NEK11: variants seen among roughly 807,000 people sequenced by gnomAD.
NEK11 encodes NIMA related kinase 11.
A neutral mutation model predicts 80.7 loss-of-function variants in NEK11; 72 were observed. The ratio of observed to expected loss-of-function variants is 0.89; its 90% CI spans 0.74 to 1.08. The LOEUF is 1.08. Ranked by LOEUF, NEK11 falls within the 50% of genes least tolerant of loss-of-function variation. The pLI, the probability that NEK11 is intolerant of heterozygous loss-of-function variation, is 0.00. For missense variants in NEK11, 764 were observed against 763.6 expected (o/e 1.00, Z -0.01); for synonymous variants, 251 against 260.7 (o/e 0.96, Z 0.36).
intron 3 of NEK11, among the ~76,000 whole-genome samples, chr3:131,060,767 C>G (rs555336482): frequency 3.9e-5 from 6 of 152,266 alleles, no homozygotes; most frequent in Admixed American, 1.3e-4. Context: ...TTCCCACCAG[C>G]AGTGTATGAG....
At chr3:131,223,333 T>A (rs1344771031) in intron 14 of NEK11, among the ~76,000 whole-genome samples, 1 of 152,166 alleles carries the variant, frequency 6.6e-6, no homozygotes, top group Non-Finnish European at 1.5e-5. Flanking sequence ...TGGAGACAGA[T>A]TCATTCCAGT....
At chr3:131,287,732 C>A (rs2096490666) in intron 17 of NEK11, among the ~76,000 whole-genome samples, 1 of 152,276 alleles carries the variant, frequency 6.6e-6, no homozygotes, top group South Asian at 2.1e-4. Flanking sequence ...CCTCCAGATG[C>A]CAAGCTGAGC....
intron 16 of NEK11, among the ~76,000 whole-genome samples, chr3:131,248,300 T>C (rs968330507): frequency 1.3e-5 from 2 of 152,158 alleles, no homozygotes; most frequent in African/African-American, 4.8e-5. Flanking sequence ...TTTATCATGA[T>C]AGAATGCTGA....
At position 131,320,278 on chromosome 3, in the gene NEK11, TG is replaced by T. The variant is rs1435632370; in HGVS notation, c.1719-29277del. On this transcript the variant is annotated intron_variant, in intron 17 of 17. Coordinates refer to ENST00000383366, the MANE Select transcript of NEK11 (RefSeq NM_024800.5). ...AGTAGTACCCAAATTAAAGAGAAAA[TG>T]GTTTCCTGCTTAGTTAAGCAAAGAA... Among the ~76,000 whole-genome samples the T allele has an allele frequency of 5.3e-4, 80 of 152,174 alleles. 1 individual carries two copies. Among genetic ancestry groups the T allele is most frequent in the Non-Finnish European group, 2.9e-5 (2 of 67,972 alleles).
intron 16 of NEK11, among the ~76,000 whole-genome samples, chr3:131,248,505 T>G (rs749140719): frequency 5.3e-5 from 8 of 152,084 alleles, no homozygotes; most frequent in Non-Finnish European, 1.0e-4. Context: ...CTGGAGCCTT[T>G]CTTTCTTACA....
At chr3:131,345,110 C>G (rs1321848086) in intron 17 of NEK11, among the ~76,000 whole-genome samples, 1 of 151,866 alleles carries the variant, frequency 6.6e-6, no homozygotes, top group African/African-American at 2.4e-5. Context: ...TTCAAATGAC[C>G]AACTCTTGGT....
chr3:131,123,955 T>G (rs1330245225), intron 5 of NEK11, among the ~76,000 whole-genome samples: 1 of 152,214 alleles, frequency 6.6e-6, no homozygotes, highest in Non-Finnish European at 1.5e-5. Context: ...CTGGTTAACT[T>G]GGGTGGCTGA....
intron 7 of NEK11, among the ~76,000 whole-genome samples, chr3:131,135,601 A>G (rs1475996527): frequency 1.3e-5 from 2 of 152,190 alleles, no homozygotes; most frequent in Non-Finnish European, 2.9e-5. Flanking sequence ...AGTTTGAGAA[A>G]TCAATTTTGG....
chr3:131,055,870 A>C (rs1481853722), intron 3 of NEK11, among the ~76,000 whole-genome samples: 2 of 152,258 alleles, frequency 1.3e-5, no homozygotes, highest in East Asian at 3.8e-4. Flanking sequence ...AAAAACACCC[A>C]AAATGAAAGA....
At chr3:131,129,155 A>G (rs1298659066) in intron 5 of NEK11, among the ~76,000 whole-genome samples, 2 of 140,410 alleles carry the variant, frequency 1.4e-5, no homozygotes, top group African/African-American at 5.4e-5. Context: ...GGTTCATGCC[A>G]TTCTCCCGCC....
chr3:131,144,781 A>G (rs2087785015), intron 7 of NEK11, among the ~76,000 whole-genome samples: 1 of 152,138 alleles, frequency 6.6e-6, no homozygotes, highest in African/African-American at 2.4e-5. Context: ...GTCCGTTTCC[A>G]CAAGTTACTG....
At chr3:131,130,945 G>A (rs2084336026) in intron 5 of NEK11, among the ~76,000 whole-genome samples, 1 of 152,228 alleles carries the variant, frequency 6.6e-6, no homozygotes, top group South Asian at 2.1e-4. Context: ...GGGATTACAG[G>A]CCCCTGCCAC....
At chr3:131,117,470 G>A (rs1369893455) in intron 5 of NEK11, among the ~76,000 whole-genome samples, 1 of 152,088 alleles carries the variant, frequency 6.6e-6, no homozygotes, top group African/African-American at 2.4e-5. Flanking sequence ...CTCTTTTTTG[G>A]TTCCATATGA....
intron 10 of NEK11, among the ~76,000 whole-genome samples, chr3:131,162,077 A>G (rs1470418419): frequency 6.6e-6 from 1 of 152,174 alleles, no homozygotes; most frequent in East Asian, 1.9e-4. Context: ...TTTTATCCAC[A>G]TGGTGGAATT....
intron 14 of NEK11, among the ~76,000 whole-genome samples, chr3:131,218,217 A>G (rs1185195479): frequency 6.6e-6 from 1 of 152,132 alleles, no homozygotes; most frequent in South Asian, 2.1e-4. Flanking sequence ...ACAGCCTGAG[A>G]TGGGTATCTG....
At chr3:131,306,910 C>T (rs2096729134) in intron 17 of NEK11, among the ~76,000 whole-genome samples, 1 of 152,160 alleles carries the variant, frequency 6.6e-6, no homozygotes, top group Non-Finnish European at 1.5e-5. Flanking sequence ...TACCCCAGCA[C>T]TGGTCCCCGC....
intron 4 of NEK11, among the ~76,000 whole-genome samples, chr3:131,108,534 T>C (rs2079556126): frequency 6.6e-6 from 1 of 152,176 alleles, no homozygotes; most frequent in Admixed American, 6.6e-5. Flanking sequence ...GGATCAGGTC[T>C]AAGGGTTCTC....
chr3:131,253,070 G>T (rs143952204), intron 16 of NEK11, among the ~76,000 whole-genome samples: 26 of 152,198 alleles, frequency 1.7e-4, no homozygotes, highest in African/African-American at 5.5e-4. Flanking sequence ...ATTTCTGCCT[G>T]ATCCTCAGCA....
chr3:131,235,476 A>C (rs1580656315), intron 15 of NEK11, among the ~76,000 whole-genome samples: 1 of 152,184 alleles, frequency 6.6e-6, no homozygotes, highest in Non-Finnish European at 1.5e-5. Context: ...TGAATATTTC[A>C]TTCACCTAGA....
Sources: gnomAD v4.1 joint callset for allele counts (sites outside exome capture counted in the v4.1 genomes callset) on GRCh38, gnomAD v4.1.1 for gene constraint, MANE v1.5 for transcripts, NCBI Gene and HGNC (gene_info 2026-07-23, HGNC 2026-07-21) for gene names.